The following POM121 variants were observed in gnomAD, a reference collection of about 807,000 sequenced individuals.
POM121 encodes the protein POM121 transmembrane nucleoporin, also known as nuclear envelope pore membrane protein POM 121.
A neutral mutation model predicts 81.3 loss-of-function variants in POM121; 32 were observed. That is an observed-to-expected ratio of 0.39 (90% CI 0.30 to 0.53). The LOEUF (loss-of-function observed/expected upper bound fraction) is 0.53. Ranked by LOEUF, POM121 falls within the 20% of genes least tolerant of loss-of-function variation. The pLI is 0.66. For synonymous variants in POM121, 514 were observed against 694.2 expected (o/e 0.74, Z 4.08); for missense variants, 1,138 against 1,614.6 (o/e 0.70, Z 5.06).
At chr7:72,894,277 T>G (rs1431515325) in intron 3 of POM121, among the ~76,000 whole-genome samples, 1 of 150,384 alleles carries the variant, frequency 6.6e-6, no homozygotes, top group Non-Finnish European at 1.5e-5. Flanking sequence ...CTTAAAGAAA[T>G]AAATAAATAA....
Position 72,943,109 on chromosome 7 carries a change from G to A in POM121, c.3116G>A (p.Gly1039Glu). Residue 1039 changes from glycine to glutamate, a missense_variant, in exon 11 of 13, where the codon GGG becomes GAG. Physicochemically the swap from Gly to Glu is moderately conservative, Grantham distance 98. Transcript: ENST00000434423. The stretch of plus-strand genomic sequence containing the variant: ...GGCGGTGCCACGCACTCGGCGTTTG[G>A]GTTGAAAGCCACGGCTTCGGCCTTC... ...IFGGATHSAF[G>E]LKATASAFGA... The A allele has an allele frequency of 1.9e-6, 3 of 1,613,442 alleles. No homozygotes were observed. Among genetic ancestry groups the A allele is most frequent in the Non-Finnish European group, 2.5e-6 (3 of 1,179,756 alleles).
intron 6 of POM121, among the ~76,000 whole-genome samples, chr7:72,938,885 G>T (rs1554500091): frequency 6.6e-6 from 1 of 152,180 alleles, no homozygotes; most frequent in Non-Finnish European, 1.5e-5. Flanking sequence ...GTGGCCTCTG[G>T]CTGTCGCCTC....
chr7:72,944,879 G>A (rs1316569191), intron 11 of POM121, among the ~76,000 whole-genome samples: 1 of 152,194 alleles, frequency 6.6e-6, no homozygotes, highest in East Asian at 1.9e-4. Flanking sequence ...CGTGAGTGGT[G>A]ATGGGAAGGA....
intron 11 of POM121, among the ~76,000 whole-genome samples, chr7:72,944,574 G>A (rs1797471237): frequency 6.6e-6 from 1 of 152,156 alleles, no homozygotes; most frequent in African/African-American, 2.4e-5. Context: ...CGACACTGTG[G>A]GTGTAGACCT....
chr7:72,886,324 C>T (rs1229915254), intron 1 of POM121, among the ~76,000 whole-genome samples: 2 of 152,096 alleles, frequency 1.3e-5, no homozygotes, highest in African/African-American at 4.8e-5. Context: ...CAGACACCCA[C>T]CATCACGCCC....
rs374050823 is a variant in POM121, at chr7:72,934,070, T to G, written c.1275+3959T>G. ...CTGAGATAAAAAGGAAATTTACTTT[T>G]TACTGTACAGTCTTTTTTTTTTTCT... On this transcript the variant is annotated intron_variant, in intron 5 of 12. Coordinates refer to ENST00000434423, the MANE Select transcript of POM121 (RefSeq NM_001387691.1). Among the ~76,000 whole-genome samples, 43 of 152,232 alleles carry G rather than the reference T, an allele frequency of 2.8e-4. No homozygotes were observed. The East Asian group carries it at 4.2e-3, about 15-fold the overall frequency.
At chr7:72,919,555 C>T (rs1794611665) in intron 4 of POM121, among the ~76,000 whole-genome samples, 1 of 152,122 alleles carries the variant, frequency 6.6e-6, no homozygotes, top group Admixed American at 6.6e-5. Context: ...AATTATGGCT[C>T]ACTGGAGCCT....
At chr7:72,893,794 C>T (rs1483894574) in intron 3 of POM121, among the ~76,000 whole-genome samples, 1 of 152,168 alleles carries the variant, frequency 6.6e-6, no homozygotes, top group African/African-American at 2.4e-5. Context: ...TTCATCCCTA[C>T]TTACTGTGCT....
chr7:72,936,194 T>C lies in POM121; in HGVS notation c.1276-2396T>C, dbSNP rs1228368437. Among the ~76,000 whole-genome samples, 19 of 152,312 alleles carry C rather than the reference T, an allele frequency of 1.2e-4. No individual in the cohort carries two copies. The East Asian group carries it at 3.7e-3, about 29-fold the overall frequency. On this transcript the variant is annotated intron_variant, in intron 5 of 12. Transcript: ENST00000434423. Reference sequence around the variant, plus strand: ...TCTCCTTTGGCATTTCTGTTTTTTCTTTATTTTTTCTTGGTAGAGATGAGA... The same window carrying C: ...TCTCCTTTGGCATTTCTGTTTTTTCCTTATTTTTTCTTGGTAGAGATGAGA...
chr7:72,922,685 G>C (rs182267730), upstream of POM121, among the ~76,000 whole-genome samples: 1 of 151,874 alleles, frequency 6.6e-6, no homozygotes, highest in South Asian at 2.1e-4. Flanking sequence ...CACCATGCCC[G>C]GCCCAGAAGT....
At chr7:72,949,926 G>C (rs781922735), downstream of POM121, 2 of 1,612,690 alleles carry the variant, frequency 1.2e-6, no homozygotes, top group South Asian at 2.2e-5. Flanking sequence ...TGGGAGCCTG[G>C]CGGGGGTCCA....
At chr7:72,922,488 G>A (rs1245164656), upstream of POM121, among the ~76,000 whole-genome samples, 3 of 151,982 alleles carry the variant, frequency 2.0e-5, no homozygotes, top group Non-Finnish European at 4.4e-5. Flanking sequence ...CTGGGTTCAA[G>A]CGATTCTCCA....
At chr7:72,902,332 G>A (rs1792757468) in intron 3 of POM121, among the ~76,000 whole-genome samples, 1 of 131,642 alleles carries the variant, frequency 7.6e-6, no homozygotes, top group African/African-American at 2.9e-5. Context: ...GTGCGATCTT[G>A]GCTCACTGCA....
chr7:72,944,793 G>A (rs1262166474), intron 11 of POM121, among the ~76,000 whole-genome samples: 6 of 151,918 alleles, frequency 3.9e-5, no homozygotes, highest in East Asian at 3.9e-4. Context: ...GGCAGGGGTC[G>A]GGGAGAGGAG....
At chr7:72,908,599 T>G (rs2129576095) in intron 3 of POM121, among the ~76,000 whole-genome samples, 1 of 152,176 alleles carries the variant, frequency 6.6e-6, no homozygotes, top group South Asian at 2.1e-4. Flanking sequence ...TGCCTGGGAG[T>G]GCTATGGGAA....
At chr7:72,928,614 T>A in intron 4 of POM121, 149 bp downstream of exon 4, 1 of 904,604 alleles carries the variant, frequency 1.1e-6, no homozygotes, top group Non-Finnish European at 1.7e-6. Flanking sequence ...TTGAGTAACT[T>A]GCCACAGTTA....
rs537136817 is a variant in POM121 at position 72,903,433 on chromosome 7, G to A, written c.-215-10332G>A. Among the ~76,000 whole-genome samples, 18 of 152,240 alleles carry A rather than the reference G, an allele frequency of 1.2e-4. No individual in the cohort carries two copies. The South Asian group carries it at 3.1e-3, about 26-fold the overall frequency. ...GTCTGGACGACAGAGCGAAGACTCC[G>A]TCTCAAAAAAGAAAATCAGATATTT... On this transcript the variant is annotated intron_variant, in intron 3 of 15. Coordinates refer to the POM121 transcript ENST00000395270.
rs375920849 is a variant in POM121 at position 72,945,547 on chromosome 7, C to G, written c.3530-39C>G. On this transcript the variant is annotated intron_variant, in intron 11 of 12. Transcript: ENST00000434423. ...GCCCGGCTCCTCGCTTGCCTCTGCCCTCTGCTCACTGGCCAGCTCTCTGTT... is the reference window on the plus strand; with the variant it reads ...GCCCGGCTCCTCGCTTGCCTCTGCCGTCTGCTCACTGGCCAGCTCTCTGTT... The G allele has an allele frequency of 1.1e-5, 17 of 1,612,100 alleles. 1 individual carries two copies. In the African/African-American group the frequency reaches 2.3e-4, roughly 22 times the overall value.
In POM121 at chr7:72,925,556, G is replaced by A; in HGVS notation, c.435G>A (p.Gly145=). Residue 145 remains glycine (G), a synonymous_variant, in exon 1 of 13, where the codon GGG becomes GGA. Coordinates refer to ENST00000434423, the MANE Select transcript of POM121 (RefSeq NM_001387691.1). ...TGGGCAGTTACCTGGGCAAGCCCGG[G>A]CCGCCGCAGCCCGCCGCCGCTCCGG... is the stretch of plus-strand genomic sequence containing the variant. The part of the protein sequence containing the change: ...LLMGSYLGKP[G]PPQPAAAPEG... 1.3e-6 allele frequency: 2 copies of A among 1,529,638 alleles called. No individual in the cohort carries two copies. Among genetic ancestry groups the A allele is most frequent in the Non-Finnish European group, 1.7e-6 (2 of 1,144,416 alleles). The allele number at this position is 1,529,638 out of a possible 1,614,324, so 94.8% of individuals were successfully genotyped here.
Sources: allele counts gnomAD v4.1 joint callset (sites outside exome capture counted in the v4.1 genomes callset), GRCh38; gene constraint gnomAD v4.1.1; transcripts MANE v1.5; gene names NCBI Gene and HGNC (gene_info 2026-07-23, HGNC 2026-07-21).